RAD51: variants seen among roughly 807,000 people sequenced by gnomAD.
RAD51 encodes DNA repair protein RAD51 homolog 1.
A neutral mutation model predicts 41.5 loss-of-function variants in RAD51; 14 were observed. The observed-to-expected ratio is 0.34, with a 90% CI of 0.22 to 0.53. The LOEUF (loss-of-function observed/expected upper bound fraction) is 0.53. RAD51 is among the 20% of genes least tolerant of loss of function. The probability of loss-of-function intolerance (pLI) is 0.95; values close to 1 mark genes in which losing one functional copy is unlikely to be tolerated. For synonymous variants in RAD51, 136 were observed against 148.6 expected, an observed-to-expected ratio of 0.92 and a Z score of 0.62; for missense variants, 234 against 422.0, an observed-to-expected ratio of 0.55 and a Z score of 3.90.
intron 6 of RAD51, among the ~76,000 whole-genome samples, chr15:40,726,605 C>G (rs574242059): frequency 6.6e-6 from 1 of 151,012 alleles, no homozygotes; most frequent in East Asian, 2.0e-4. Flanking sequence ...TAAGGAAGTT[C>G]AAGAAACACT....
intron 6 of RAD51, among the ~76,000 whole-genome samples, chr15:40,722,328 G>A (rs1057174766): frequency 6.6e-6 from 1 of 151,702 alleles, no homozygotes; most frequent in Non-Finnish European, 1.5e-5. Flanking sequence ...CAGGAGAATC[G>A]CTTGAACCTG....
At chr15:40,715,011 T>TAA (rs1166756831) in intron 5 of RAD51, among the ~76,000 whole-genome samples, 2 of 151,624 alleles carry the variant, frequency 1.3e-5, no homozygotes, top group Non-Finnish European at 2.9e-5. Flanking sequence ...CCATTTCAAT[T>TAA]AAAAAATAAA....
intron 1 of RAD51, chr15:40,695,713 G>A (rs1292090609): frequency 6.6e-6 from 1 of 152,234 alleles, no homozygotes; most frequent in Non-Finnish European, 1.5e-5. Context: ...AGCCACAGCT[G>A]TTTAATATCA....
intron 7 of RAD51, among the ~76,000 whole-genome samples, chr15:40,729,041 G>A (rs560615868): frequency 1.7e-3 from 262 of 152,194 alleles, no homozygotes; most frequent in Middle Eastern, 3.4e-3. Context: ...GTTAAACGGT[G>A]CCTCAGATGT....
At chr15:40,704,542 A>T (rs1895209953) in intron 3 of RAD51, among the ~76,000 whole-genome samples, 1 of 150,296 alleles carries the variant, frequency 6.7e-6, no homozygotes. Flanking sequence ...TTGTATTTTT[A>T]GTAGAAATGG....
intron 8 of RAD51, 65 bp downstream of exon 8, chr15:40,729,699 T>C: frequency 6.2e-7 from 1 of 1,611,804 alleles, no homozygotes; most frequent in Non-Finnish European, 8.5e-7. Flanking sequence ...GGAGCCTTGC[T>C]AGGAGGCTAA....
At chr15:40,718,147 C>T (rs1451172743) in intron 5 of RAD51, among the ~76,000 whole-genome samples, 4 of 152,002 alleles carry the variant, frequency 2.6e-5, no homozygotes, top group African/African-American at 9.7e-5. Context: ...CTCCAGAGCC[C>T]GGAAGGCAGA....
At chr15:40,701,796 TTTTTTTG>T in intron 3 of RAD51, 1 of 278,710 alleles carries the variant, frequency 3.6e-6, no homozygotes, top group South Asian at 3.1e-5. Flanking sequence ...TTTTTTTTTT[TTTTTTTG>T]AGACGGAGTC....
chr15:40,718,636 T>C (rs1187984727), intron 5 of RAD51, among the ~76,000 whole-genome samples, 169 bp from the exon 6 acceptor site: 1 of 152,220 alleles, frequency 6.6e-6, no homozygotes, highest in African/African-American at 2.4e-5. Flanking sequence ...CATATTTTTC[T>C]AGCTGTATTT....
intron 1 of RAD51, 74 bp from the exon 2 acceptor site, chr15:40,698,683 C>A: frequency 1.4e-6 from 2 of 1,379,992 alleles, no homozygotes; most frequent in Non-Finnish European, 2.1e-6. Context: ...ATACGACTAG[C>A]TAGATAGAAG....
chr15:40,724,742 C>T (rs1217604137), intron 6 of RAD51, among the ~76,000 whole-genome samples: 2 of 128,076 alleles, frequency 1.6e-5, no homozygotes, highest in African/African-American at 2.9e-5. Context: ...TGCTGTGGTG[C>T]GATCTCGGCT....
At chr15:40,697,193 C>T (rs2619682) in intron 1 of RAD51, among the ~76,000 whole-genome samples, 53,537 of 151,916 alleles carry the variant, frequency 0.35, 10,014 homozygotes, top group Non-Finnish European at 0.42. Context: ...CTCCGCCTCC[C>T]GGGTTCAAGC....
rs973879932 is a variant in RAD51 at position 40,696,412 on chromosome 15, A to C, written c.-3+987A>C. 3.9e-5 allele frequency among the ~76,000 whole-genome samples: 6 copies of C among 152,232 alleles called. No individual in the cohort carries two copies. In the South Asian group the frequency reaches 1.0e-3, roughly 26 times the overall value. On this transcript the variant is annotated intron_variant, in intron 1 of 9. Transcript: ENST00000267868. The stretch of plus-strand genomic sequence containing the variant: ...AAGATAGTGAGACCCGCATCTCTAC[A>C]AATAGGAAAAATTAGCTAGGCATGG...
chr15:40,705,411 C>T (rs531353306), intron 3 of RAD51, among the ~76,000 whole-genome samples: 1 of 152,034 alleles, frequency 6.6e-6, no homozygotes, highest in African/African-American at 2.4e-5. Flanking sequence ...AGAAAAGGTA[C>T]AGCTGATAGA....
At chr15:40,728,634 A>C (rs1304269156) in intron 6 of RAD51, 77 bp from the exon 7 acceptor site, 1 of 1,145,326 alleles carries the variant, frequency 8.7e-7, no homozygotes, top group East Asian at 2.3e-5. Flanking sequence ...TATTCAGGTA[A>C]TTTAAGTGTC....
chr15:40,694,872 A>C (rs1894508617), upstream of RAD51: 1 of 152,022 alleles, frequency 6.6e-6, no homozygotes, highest in African/African-American at 2.4e-5. Context: ...CCCGCGAGGG[A>C]CTGGGGTAGG....
chr15:40,722,181 G>A (rs1896309077), intron 6 of RAD51, among the ~76,000 whole-genome samples: 1 of 152,128 alleles, frequency 6.6e-6, no homozygotes, highest in African/African-American at 2.4e-5. Flanking sequence ...GGAGGCCGAG[G>A]CAGGTGGATC....
chr15:40,721,854 C>T (rs1364219971), intron 6 of RAD51, among the ~76,000 whole-genome samples: 1 of 152,088 alleles, frequency 6.6e-6, no homozygotes, highest in Non-Finnish European at 1.5e-5. Context: ...GAATTGAAAA[C>T]AGGAACTCAG....
intron 6 of RAD51, 135 bp from the exon 7 acceptor site, chr15:40,728,576 T>C: frequency 1.2e-6 from 1 of 803,590 alleles, no homozygotes; most frequent in Non-Finnish European, 2.2e-6. Context: ...GAAAGGGAAA[T>C]ACATTCTTTG....
Sources: gnomAD v4.1 joint callset for allele counts (sites outside exome capture counted in the v4.1 genomes callset) on GRCh38, gnomAD v4.1.1 for gene constraint, MANE v1.5 for transcripts, NCBI Gene and HGNC (gene_info 2026-07-23, HGNC 2026-07-21) for gene names.